Variants in RET observed in about 807,000 individuals in gnomAD.
RET encodes the protein proto-oncogene tyrosine-protein kinase receptor Ret.
A neutral mutation model predicts 118.3 loss-of-function variants in RET; 19 were observed. That is an observed-to-expected ratio of 0.16 (90% CI 0.11 to 0.24). RET has a LOEUF of 0.24. Among genes scored for constraint, RET ranks in the 10% least tolerant of loss-of-function variants. The probability of loss-of-function intolerance (pLI) is 1.00; values close to 1 mark genes in which losing one functional copy is unlikely to be tolerated. For synonymous variants in RET, 597 were observed against 644.1 expected (o/e 0.93, Z 1.11); for missense variants, 1,219 against 1,502.1 (o/e 0.81, Z 3.12).
intron 3 of RET, among the ~76,000 whole-genome samples, chr10:43,104,014 C>A (rs1427228372): frequency 6.6e-6 from 1 of 152,168 alleles, no homozygotes; most frequent in African/African-American, 2.4e-5. Flanking sequence ...TGGTTCCTGG[C>A]CCTGCTTCAG....
chr10:43,102,010 A>AG (rs34254989), intron 2 of RET, among the ~76,000 whole-genome samples: 4 of 151,900 alleles, frequency 2.6e-5, no homozygotes, highest in Admixed American at 2.0e-4. Flanking sequence ...AGGGTGTGGC[A>AG]GGGGGGGTGC....
rs1242690764 is a variant in RET, at chr10:43,128,943, G to A, written c.*674G>A. ...AGATGATTCCTAGATTTAGCACAAT[G>A]GAGAGATTCCATGCCATCTTTACTA... On this transcript the variant is annotated 3_prime_UTR_variant, in exon 20 of 20. Transcript: ENST00000355710. 1 of 238,728 alleles carries A rather than the reference G, an allele frequency of 4.2e-6. No homozygotes were observed. Among genetic ancestry groups the A allele is most frequent in the Non-Finnish European group, 8.3e-6 (1 of 121,192 alleles). 14.8% of individuals were successfully genotyped at this position (238,728 alleles called of 1,614,324 possible).
rs956882000 is a variant in RET at position 43,130,169 on chromosome 10, C to A, written c.*1900C>A. The stretch of plus-strand genomic sequence containing the variant: ...TCCTTATTAGCTCTACTGGAATTTT[C>A]ATACACGTAAATGCAGAAGTTACTA... On this transcript the variant is annotated 3_prime_UTR_variant, in exon 20 of 20. Coordinates refer to ENST00000355710, the MANE Select transcript of RET (RefSeq NM_020975.6). The A allele has an allele frequency of 4.3e-5, 17 of 396,718 alleles. No homozygotes were observed. The highest frequency in any genetic ancestry group is 3.1e-5 in the Non-Finnish European group (7 of 225,420). The allele number at this position is 396,718 out of a possible 1,614,324, so 24.6% of individuals were successfully genotyped here. A position where few individuals can be genotyped will look rare whatever the true frequency, so the allele number is the denominator to read the frequency against.
rs764496948 is a variant in RET at position 43,102,359 on chromosome 10, C to G, written c.355C>G (p.Leu119Val). The G allele has an allele frequency of 1.2e-6, 2 of 1,614,202 alleles. No individual in the cohort carries two copies. The highest frequency in any genetic ancestry group is 1.7e-6 in the Non-Finnish European group (2 of 1,180,050). ...LSVRNRGFPL[L>V]TVYLKVFLSP... ...CTCTGCAGACCGCGGCTTTCCCCTGCTCACCGTCTACCTCAAGGTCTTCCT... is the reference window on the plus strand; with the variant it reads ...CTCTGCAGACCGCGGCTTTCCCCTGGTCACCGTCTACCTCAAGGTCTTCCT... The change falls in exon 3 of 20, where the codon CTC becomes GTC. Residue 119 changes from leucine (L) to valine (V), a missense_variant. Coordinates refer to ENST00000355710, the MANE Select transcript of RET (RefSeq NM_020975.6).
intron 14 of RET, 120 bp from the exon 15 acceptor site, chr10:43,119,961 C>T: frequency 6.8e-7 from 1 of 1,477,732 alleles, no homozygotes; most frequent in East Asian, 2.4e-5. Flanking sequence ...ACCCCCGGCC[C>T]AGGTCTCACC....
At position 43,130,238 on chromosome 10, in the gene RET, T is replaced by C. The variant is rs3026785; in HGVS notation, c.*1969T>C. ...GTATTAAGTAGTAATCTGTCAGTTA[T>C]TAAAATTTGTAAAATCTATTTATGA... On this transcript the variant is annotated 3_prime_UTR_variant, in exon 20 of 20. Coordinates refer to ENST00000355710, the MANE Select transcript of RET (RefSeq NM_020975.6). The C allele has an allele frequency of 0.047, 18,430 of 388,468 alleles. 563 individuals carry two copies. The highest frequency in any genetic ancestry group is 0.089 in the South Asian group (619 of 6,938). 24.1% of individuals were successfully genotyped at this position (388,468 alleles called of 1,614,324 possible).
rs1284377464 is a variant in RET at position 43,112,931 on chromosome 10, A to G, written c.1727A>G (p.Gln576Arg). ...PDGHCDVVETQDINICPQDCL... is the reference protein window; with the variant it reads ...PDGHCDVVETRDINICPQDCL... Reference sequence around the variant, plus strand: ...GGCCACTGCGATGTTGTGGAGACCCAAGACATCAACATTTGCCCTCAGGAC... The same window carrying G: ...GGCCACTGCGATGTTGTGGAGACCCGAGACATCAACATTTGCCCTCAGGAC... Residue 576 changes from glutamine (Q) to arginine (R), a missense_variant, in exon 9 of 20, where the codon CAA becomes CGA. By Grantham distance (43) the Gln-to-Arg change is conservative. Coordinates refer to ENST00000355710, the MANE Select transcript of RET (RefSeq NM_020975.6). 1 of 1,614,060 alleles carries G rather than the reference A, an allele frequency of 6.2e-7. No individual in the cohort carries two copies. The highest frequency in any genetic ancestry group is 8.5e-7 in the Non-Finnish European group (1 of 1,180,018).
chr10:43,105,990 C>A (rs1263757099), intron 4 of RET, among the ~76,000 whole-genome samples: 2 of 152,176 alleles, frequency 1.3e-5, no homozygotes, highest in Admixed American at 1.3e-4. Context: ...GCCGGCTGTT[C>A]CTGTGTGACC....
intron 19 of RET, 115 bp from the exon 20 acceptor site, chr10:43,127,997 C>A: frequency 9.4e-7 from 1 of 1,061,550 alleles, no homozygotes; most frequent in Non-Finnish European, 1.5e-6. Context: ...ATATAATTGG[C>A]ACAGAAACCA....
At chr10:43,111,707 C>G (rs888365185) in intron 7 of RET, among the ~76,000 whole-genome samples, 1 of 152,316 alleles carries the variant, frequency 6.6e-6, no homozygotes, top group African/African-American at 2.4e-5. Flanking sequence ...AGGTGTGTTC[C>G]ATGCAACTTT....
At chr10:43,100,401 T>TTTGTCC in intron 1 of RET, 58 bp from the exon 2 acceptor site, 2 of 1,583,556 alleles carry the variant, frequency 1.3e-6, no homozygotes, top group Non-Finnish European at 1.7e-6. Flanking sequence ...TTTTTTTTTT[T>TTTGTCC]TGTCCTTGAA....
chr10:43,126,444 G>A (rs1838329902), intron 18 of RET, 131 bp from the exon 19 acceptor site: 1 of 866,934 alleles, frequency 1.2e-6, no homozygotes, highest in East Asian at 2.4e-5. Flanking sequence ...CTGGTCTCTT[G>A]GAGAGGTCAG....
intron 1 of RET, among the ~76,000 whole-genome samples, chr10:43,077,758 G>C (rs1004826054): frequency 1.3e-5 from 2 of 152,234 alleles, no homozygotes; most frequent in Non-Finnish European, 2.9e-5. Context: ...GGCAGGAGAC[G>C]GCTCCGTCCT....
At chr10:43,122,934 G>A (rs886558034) in intron 16 of RET, among the ~76,000 whole-genome samples, 2 of 152,236 alleles carry the variant, frequency 1.3e-5, no homozygotes, top group South Asian at 4.1e-4. Flanking sequence ...AAATACTGTG[G>A]GCTGTGAATA....
chr10:43,105,290 T>C lies in RET; in HGVS notation c.867+97T>C, dbSNP rs1588866403. On this transcript the variant is annotated intron_variant, in intron 4 of 19. Transcript: ENST00000355710. The stretch of plus-strand genomic sequence containing the variant: ...GTGTCCGTGTAGCCACCCAACCGTG[T>C]GGCCGACCATTCGCGCTTTCATTTG... 6 of 1,561,132 alleles carry C rather than the reference T, an allele frequency of 3.8e-6. No individual in the cohort carries two copies. In the East Asian group the frequency reaches 1.4e-4, roughly 35 times the overall value.
intron 1 of RET, among the ~76,000 whole-genome samples, chr10:43,093,527 T>C (rs1193770684): frequency 6.6e-6 from 1 of 152,072 alleles, no homozygotes; most frequent in African/African-American, 2.4e-5. Flanking sequence ...CACACCAGCA[T>C]AGAGACAGGA....
intron 5 of RET, among the ~76,000 whole-genome samples, chr10:43,107,898 G>C (rs74889050): frequency 0.093 from 14,194 of 152,232 alleles, 835 homozygotes; most frequent in East Asian, 0.21. Context: ...TTAATTTACA[G>C]TTGGTTGAAA....
chr10:43,095,223 C>T (rs142231648), intron 1 of RET, among the ~76,000 whole-genome samples: 245 of 152,210 alleles, frequency 1.6e-3, no homozygotes, highest in African/African-American at 5.4e-3. Context: ...GATGGCTAGG[C>T]TCAGGTATGG....
At position 43,128,389 on chromosome 10, in the gene RET, C is replaced by A. The variant is rs1334831991; in HGVS notation, c.*120C>A. 8.2e-7 allele frequency: 1 copy of A among 1,218,154 alleles called. No homozygotes were observed. The highest frequency in any genetic ancestry group is 1.2e-6 in the Non-Finnish European group (1 of 834,292). 75.5% of individuals were successfully genotyped at this position (1,218,154 alleles called of 1,614,324 possible). A position where few individuals can be genotyped will look rare whatever the true frequency, so the allele number is the denominator to read the frequency against. ...CGAGCCGTGTTCAGTTCCCAGGTGG[C>A]AGACTCGTTTTTGGTAGTTTGTTTT... On this transcript the variant is annotated 3_prime_UTR_variant, in exon 20 of 20. Coordinates refer to ENST00000355710, the MANE Select transcript of RET (RefSeq NM_020975.6).
Sources: allele counts gnomAD v4.1 joint callset (sites outside exome capture counted in the v4.1 genomes callset), GRCh38; gene constraint gnomAD v4.1.1; transcripts MANE v1.5; gene names NCBI Gene and HGNC (gene_info 2026-07-23, HGNC 2026-07-21).